The following ALG13 variants were observed in gnomAD, a reference collection of about 807,000 sequenced individuals.
The protein encoded by ALG13 is UDP-N-acetylglucosamine transferase subunit ALG13.
In ALG13, 11 loss-of-function variants were observed where a neutral mutation model predicts 87.8. The ratio of observed to expected loss-of-function variants is 0.13; its 90% confidence interval spans 0.08 to 0.21. The LOEUF is 0.21. ALG13 is among the 10% of genes least tolerant of loss of function. ALG13 has a pLI of 1.00. For missense variants in ALG13, 756 were observed against 866.1 expected (o/e 0.87, Z 1.60); for synonymous variants, 320 against 306.3 (o/e 1.04, Z -0.47).
chrX:111,753,115 T>C (rs1485266261), intron 25 of ALG13: 1 of 201,656 alleles, frequency 5.0e-6, no homozygotes, highest in African/African-American at 2.9e-5. Flanking sequence ...CATTACATGC[T>C]AACTTTTCAC....
At chrX:111,691,161 C>T (rs1019477693) in intron 3 of ALG13, among the ~76,000 whole-genome samples, 3 of 111,029 alleles carry the variant, frequency 2.7e-5, no homozygotes, top group African/African-American at 9.9e-5. Flanking sequence ...AGTGCAATGG[C>T]GTGATCTCGG....
intron 3 of ALG13, chrX:111,689,247 C>G (rs1472838894): frequency 2.1e-5 from 16 of 747,752 alleles, no homozygotes; most frequent in Non-Finnish European, 2.5e-5. Context: ...AATTGTATAT[C>G]AATGTTATGT....
At chrX:111,681,485 G>A (rs1178080055) in intron 1 of ALG13, 186 bp downstream of exon 1, 1 of 1,047,643 alleles carries the variant, frequency 9.5e-7, no homozygotes, top group South Asian at 2.4e-5. Flanking sequence ...CCGGCTACCC[G>A]GCCACTCGGG....
chrX:111,738,544 A>AT (rs770396823), intron 23 of ALG13, among the ~76,000 whole-genome samples: 6 of 111,367 alleles, frequency 5.4e-5, no homozygotes, highest in Middle Eastern at 4.6e-3. Context: ...TAGGCTTTAA[A>AT]TTTTTTTTGT....
At chrX:111,731,419 T>A (rs993013166) in intron 21 of ALG13, among the ~76,000 whole-genome samples, 4 of 112,205 alleles carry the variant, frequency 3.6e-5, no homozygotes, top group Admixed American at 9.4e-5. Flanking sequence ...GAGACCTTCA[T>A]GGGCAGACGT....
rs1013850047 is a variant in ALG13, at chrX:111,727,343, G to A, written c.1988G>A (p.Arg663Gln). 3 of 1,205,628 alleles carry A rather than the reference G, an allele frequency of 2.5e-6. No individual in the cohort carries two copies. Among genetic ancestry groups the A allele is most frequent in the Non-Finnish European group, 3.4e-6 (3 of 891,412 alleles). Residue 663 changes from arginine to glutamine, a missense_variant, in exon 17 of 27, where the codon CGG becomes CAG. Arg to Gln is a conservative substitution (Grantham distance 43). This residue lies in a region of ALG13 where 362 missense variants were observed against 383.5 expected (regional missense o/e 0.94). Coordinates refer to ENST00000394780, the MANE Select transcript of ALG13 (RefSeq NM_001099922.3). ...RGYGMPRNSS[R>Q]FINRHNMPGP... Reference sequence around the variant, plus strand: ...CTCTTTATTCTTAGGAATTCATCTCGGTTTATAAACAGGCACAACATGCCG... The same window carrying A: ...CTCTTTATTCTTAGGAATTCATCTCAGTTTATAAACAGGCACAACATGCCG...
chrX:111,700,736 C>A (rs2147917840), intron 3 of ALG13, among the ~76,000 whole-genome samples: 1 of 103,665 alleles, frequency 9.6e-6, no homozygotes, highest in South Asian at 4.5e-4. Flanking sequence ...GCCACCATGC[C>A]CAGCTAATTT....
chrX:111,730,425 C>T lies in ALG13; in HGVS notation c.2399C>T (p.Ala800Val), dbSNP rs963784042. Reference protein sequence around the residue: ...GRYHEEYLYRAEPDYETSGVY... With the variant: ...GRYHEEYLYRVEPDYETSGVY... ...TATCATGAAGAATATCTTTATCGTG[C>T]AGGTCAGTAAGATCTAGAAGTGATC... Residue 800 changes from alanine (A) to valine (V), a missense_variant and splice_region_variant, in exon 20 of 27, where the codon GCA becomes GTA. By Grantham distance (64) the Ala-to-Val change is moderately conservative. Transcript: ENST00000394780. The T allele has an allele frequency of 3.3e-6, 4 of 1,207,236 alleles. No homozygotes were observed. The highest frequency in any genetic ancestry group is 3.4e-6 in the Non-Finnish European group (3 of 891,903).
chrX:111,758,313 A>G (rs1245509241), intron 26 of ALG13, among the ~76,000 whole-genome samples: 1 of 112,018 alleles, frequency 8.9e-6, no homozygotes, highest in African/African-American at 3.2e-5. Context: ...TGAAAGAGGG[A>G]TAAGCTATCA....
intron 24 of ALG13, among the ~76,000 whole-genome samples, chrX:111,750,981 T>C (rs1944683386): frequency 9.1e-6 from 1 of 109,854 alleles, no homozygotes; most frequent in South Asian, 3.9e-4. Context: ...CAATAACATA[T>C]TTTAAAATTA....
At chrX:111,697,574 A>G (rs973699409) in intron 3 of ALG13, among the ~76,000 whole-genome samples, 32 of 112,008 alleles carry the variant, frequency 2.9e-4, no homozygotes, top group Admixed American at 1.1e-3. Flanking sequence ...GAGAAAGCCA[A>G]TTGGGATTTC....
At chrX:111,741,214 TCAAAGGG>T (rs751707051) in intron 23 of ALG13, among the ~76,000 whole-genome samples, 26 of 111,535 alleles carry the variant, frequency 2.3e-4, no homozygotes, top group Non-Finnish European at 4.3e-4. Flanking sequence ...GCTTGTCAGG[TCAAAGGG>T]CCCAGGTTCT....
At chrX:111,708,489 G>A in intron 4 of ALG13, 96 bp downstream of exon 4, 1 of 1,030,207 alleles carries the variant, frequency 9.7e-7, no homozygotes. Context: ...AAATTCCCCT[G>A]CTTTCTAGTG....
intron 24 of ALG13, among the ~76,000 whole-genome samples, chrX:111,747,501 T>G (rs191327546): frequency 2.4e-4 from 27 of 111,627 alleles, no homozygotes; most frequent in African/African-American, 5.9e-4. Context: ...GAAATATATA[T>G]AGAGAGATGG....
chrX:111,681,750 C>T, intron 1 of ALG13: 2 of 827,021 alleles, frequency 2.4e-6, no homozygotes, highest in Non-Finnish European at 2.9e-6. Context: ...CCCCTCAGCA[C>T]TTGGCCGGAG....
At chrX:111,686,152 C>T in intron 3 of ALG13, 3 of 1,121,667 alleles carry the variant, frequency 2.7e-6, no homozygotes, top group Non-Finnish European at 3.5e-6. Context: ...CCTTGAGACA[C>T]TAGAAGCTTG....
At chrX:111,711,418 C>G (rs922892457) in intron 5 of ALG13, among the ~76,000 whole-genome samples, 5 of 112,161 alleles carry the variant, frequency 4.5e-5, no homozygotes, top group African/African-American at 1.6e-4. Flanking sequence ...AAATGAAACT[C>G]GAAAGCATAC....
At chrX:111,688,279 AAATG>A (rs2042084143) in intron 3 of ALG13, 4 of 751,220 alleles carry the variant, frequency 5.3e-6, no homozygotes, top group South Asian at 1.4e-4. Flanking sequence ...GGAATCATAA[AAATG>A]AATGAGATTT....
Position 111,722,790 on chromosome X carries a change from T to C in ALG13, c.1436-3T>C. 8.5e-7 allele frequency: 1 copy of C among 1,183,112 alleles called. No homozygotes were observed. ...AGCTTGAATCTTCATTTTCTTTTAA[T>C]AGAACTTCAAAAATCTGATTACATG... is the stretch of plus-strand genomic sequence containing the variant. On this transcript the variant is annotated splice_region_variant and splice_polypyrimidine_tract_variant and intron_variant, in intron 12 of 26. Coordinates refer to ENST00000394780, the MANE Select transcript of ALG13 (RefSeq NM_001099922.3).
Sources: allele counts gnomAD v4.1 joint callset (sites outside exome capture counted in the v4.1 genomes callset), GRCh38; gene constraint gnomAD v4.1.1; regional missense constraint gnomAD v4.1.1; transcripts MANE v1.5; gene names NCBI Gene and HGNC (gene_info 2026-07-23, HGNC 2026-07-21).